ACBD5: variants seen among roughly 807,000 people sequenced by gnomAD.
The protein encoded by ACBD5 is acyl-CoA binding domain containing 5.
ACBD5 carries 40 observed loss-of-function variants against 71.8 expected under a neutral mutation model. The ratio of observed to expected loss-of-function variants is 0.56; its 90% CI spans 0.43 to 0.72. The LOEUF (loss-of-function observed/expected upper bound fraction) is 0.72. Ranked by LOEUF, ACBD5 falls within the 30% of genes least tolerant of loss-of-function variation. ACBD5 has a pLI of 0.00. For missense variants in ACBD5, 559 were observed against 644.5 expected (o/e 0.87, Z 1.44); for synonymous variants, 229 against 218.6 (o/e 1.05, Z -0.42).
Position 27,196,486 on chromosome 10 carries a change from C to A in ACBD5, c.*944G>T, listed in dbSNP as rs929467360. On this transcript the variant is annotated 3_prime_UTR_variant, in exon 13 of 13. Coordinates refer to ENST00000396271, the MANE Select transcript of ACBD5 (RefSeq NM_145698.5). ...AAAATAGTATACCCCGAAGGAAAAA[C>A]TGAGGCACTAAGAGGTTAAGAGTCC... 1.1e-5 allele frequency: 5 copies of A among 454,384 alleles called. No homozygotes were observed. The highest frequency in any genetic ancestry group is 7.1e-5 in the Admixed American group (3 of 42,542). The allele number at this position is 454,384 out of a possible 1,614,324, so 28.1% of individuals were successfully genotyped here.
chr10:27,185,088 C>T lies in ACBD5; in HGVS notation c.1494-2373G>A, dbSNP rs142905680. On this transcript the variant is annotated intron_variant, in intron 13 of 13. Transcript: ENST00000676511. ...GAAGAGAACGTGTCAGAACTGTCAT[C>T]AGTATCTATTCTTGAAGTCACCATG... 1.0e-3 allele frequency among the ~76,000 whole-genome samples: 157 copies of T among 152,254 alleles called. 1 individual carries two copies. Among genetic ancestry groups the T allele is most frequent in the African/African-American group, 3.5e-3 (146 of 41,554 alleles).
chr10:27,211,718 G>A (rs1159179046), intron 8 of ACBD5, among the ~76,000 whole-genome samples: 1 of 152,018 alleles, frequency 6.6e-6, no homozygotes, highest in Non-Finnish European at 1.5e-5. Flanking sequence ...TTAAGTCAAA[G>A]CAAGCTTATT....
chr10:27,238,019 C>A (rs1438549587), intron 2 of ACBD5, among the ~76,000 whole-genome samples: 1 of 151,454 alleles, frequency 6.6e-6, no homozygotes, highest in Non-Finnish European at 1.5e-5. Context: ...GATCTAGGCT[C>A]ACTGCAAGCT....
chr10:27,232,034 G>A (rs929763253), intron 3 of ACBD5, among the ~76,000 whole-genome samples: 72 of 152,120 alleles, frequency 4.7e-4, no homozygotes, highest in African/African-American at 1.5e-3. Flanking sequence ...TATATAACCC[G>A]TCTATGTAGT....
intron 8 of ACBD5, among the ~76,000 whole-genome samples, chr10:27,211,926 G>A (rs2061121918): frequency 6.6e-6 from 1 of 152,036 alleles, no homozygotes; most frequent in African/African-American, 2.4e-5. Flanking sequence ...GGGTATATAA[G>A]AGTCCTCAGT....
chr10:27,232,929 T>C (rs1389835553), intron 3 of ACBD5, among the ~76,000 whole-genome samples: 5 of 152,148 alleles, frequency 3.3e-5, no homozygotes, highest in Non-Finnish European at 7.4e-5. Flanking sequence ...AATCAAATTA[T>C]ATTAAATAAT....
upstream of ACBD5, among the ~76,000 whole-genome samples, chr10:27,241,539 A>C (rs1188198307): frequency 6.6e-6 from 1 of 152,028 alleles, no homozygotes. Context: ...AGCCCCAGGG[A>C]GCCAGGCACC....
rs570796190 is a variant in ACBD5 at position 27,205,235 on chromosome 10, G to C, written c.1418C>G (p.Thr473Arg). 1 of 1,612,886 alleles carries C rather than the reference G, an allele frequency of 6.2e-7. No individual in the cohort carries two copies. The highest frequency in any genetic ancestry group is 8.5e-7 in the Non-Finnish European group (1 of 1,179,446). ...TLTALQAKSS[T>R]STLQTAPQPT... ...CTGAGGAGCAGTCTGCAATGTTGAT[G>C]TTGATGATTTTGCCTGTAAATGCAA... is the stretch of plus-strand genomic sequence containing the variant. Residue 473 changes from threonine (T) to arginine (R), a missense_variant, in exon 11 of 13, where the codon ACA becomes AGA. Physicochemically the swap from Thr to Arg is moderately conservative, Grantham distance 71 (BLOSUM62 -1). Transcript: ENST00000396271.
chr10:27,203,499 G>A (rs1460801319), intron 12 of ACBD5, among the ~76,000 whole-genome samples: 1 of 152,204 alleles, frequency 6.6e-6, no homozygotes, highest in African/African-American at 2.4e-5. Context: ...AGCTCTTTGG[G>A]AGGCCAAGGC....
chr10:27,239,976 G>A (rs539996108), intron 2 of ACBD5, among the ~76,000 whole-genome samples: 3 of 152,300 alleles, frequency 2.0e-5, no homozygotes, highest in African/African-American at 4.8e-5. Context: ...TTGAACTCCT[G>A]ACCTCAGGTG....
chr10:27,195,814 C>T lies in ACBD5; in HGVS notation c.*1616G>A, dbSNP rs759729793. ...TATACTTTTCAGGCAAACAAAGAAC[C>T]ATTCTGTATACTAAAGACAGATTAT... On this transcript the variant is annotated 3_prime_UTR_variant, in exon 13 of 13. Coordinates refer to ENST00000396271, the MANE Select transcript of ACBD5 (RefSeq NM_145698.5). The T allele has an allele frequency of 2.6e-5, 11 of 421,342 alleles. No individual in the cohort carries two copies. Among genetic ancestry groups the T allele is most frequent in the South Asian group, 1.9e-4 (11 of 57,480 alleles). The allele number at this position is 421,342 out of a possible 1,614,324, so 26.1% of individuals were successfully genotyped here.
chr10:27,218,027 T>C lies in ACBD5; in HGVS notation c.782A>G (p.Asp261Gly), dbSNP rs765622739. Reference sequence around the variant, plus strand: ...TTTTCCAGTTTGCCCCAAGTTTTCATCAATGGGCTTTACTTCTTCAGTGCT... The same window carrying C: ...TTTTCCAGTTTGCCCCAAGTTTTCACCAATGGGCTTTACTTCTTCAGTGCT... ...GRSTEEVKPI[D>G]ENLGQTGKSA... is the part of the protein sequence containing the mutation. The change falls in exon 7 of 13, where the codon GAT becomes GGT. Residue 261 changes from aspartate to glycine, a missense_variant. Coordinates refer to ENST00000396271, the MANE Select transcript of ACBD5 (RefSeq NM_145698.5). The C allele has an allele frequency of 1.2e-6, 2 of 1,614,184 alleles. No individual in the cohort carries two copies. The highest frequency in any genetic ancestry group is 2.2e-5 in the South Asian group (2 of 91,084).
chr10:27,227,637 CAGTT>C (rs2063253472), intron 4 of ACBD5, among the ~76,000 whole-genome samples: 1 of 152,168 alleles, frequency 6.6e-6, no homozygotes, highest in Admixed American at 6.5e-5. Flanking sequence ...TACTCAGAGA[CAGTT>C]GGTGTTCTAG....
chr10:27,204,138 CAAAAAAAAAAAAAAAA>C (rs11346187), intron 12 of ACBD5, among the ~76,000 whole-genome samples: 8 of 45,718 alleles, frequency 1.7e-4, no homozygotes, highest in African/African-American at 4.6e-4. Flanking sequence ...GACCCAGTCT[CAAAAAAAAAAAAAAAA>C]AAAAAAAAAA....
At chr10:27,186,417 G>GA in intron 13 of ACBD5, 1 of 1,614,054 alleles carries the variant, frequency 6.2e-7, no homozygotes, top group Non-Finnish European at 8.5e-7. Context: ...TGTGGACTGG[G>GA]AAAATCTGCA....
chr10:27,190,215 G>A (rs868450008), downstream of ACBD5, among the ~76,000 whole-genome samples: 1 of 152,140 alleles, frequency 6.6e-6, no homozygotes, highest in African/African-American at 2.4e-5. Context: ...AACCTGGGAG[G>A]TGGAGGTTAC....
At position 27,196,580 on chromosome 10, in the gene ACBD5, A is replaced by G. The variant is rs2059404043; in HGVS notation, c.*850T>C. ...TTTCCTTTTTGACTGTTGTAAAAAC[A>G]GTATAAATAAGTTTTCATTTTATAT... On this transcript the variant is annotated 3_prime_UTR_variant, in exon 13 of 13. Transcript: ENST00000396271. 1 of 453,550 alleles carries G rather than the reference A, an allele frequency of 2.2e-6. No individual in the cohort carries two copies. Among genetic ancestry groups the G allele is most frequent in the African/African-American group, 2.0e-5 (1 of 49,842 alleles). The allele number at this position is 453,550 out of a possible 1,614,324, so 28.1% of individuals were successfully genotyped here.
chr10:27,190,426 G>T (rs1231692945), downstream of ACBD5, among the ~76,000 whole-genome samples: 3 of 152,150 alleles, frequency 2.0e-5, no homozygotes, highest in Non-Finnish European at 4.4e-5. Flanking sequence ...AAACATAAAA[G>T]GTGTTTAATA....
intron 5 of ACBD5, 45 bp downstream of exon 5, chr10:27,223,293 T>A (rs773840178): frequency 1.5e-6 from 2 of 1,355,058 alleles, no homozygotes; most frequent in South Asian, 2.3e-5. Context: ...AATATGTGCA[T>A]AATATATCAG....
Sources: allele counts gnomAD v4.1 joint callset (sites outside exome capture counted in the v4.1 genomes callset), GRCh38; gene constraint gnomAD v4.1.1; transcripts MANE v1.5; gene names NCBI Gene and HGNC (gene_info 2026-07-23, HGNC 2026-07-21).